Variants in ZCWPW2 observed in about 807,000 individuals in gnomAD.
The protein encoded by ZCWPW2 is zinc finger CW-type and PWWP domain containing 2, also known as zinc finger CW-type PWWP domain protein 2.
ZCWPW2 carries 45 observed loss-of-function variants against 46.6 expected under a neutral mutation model. The observed-to-expected ratio is 0.96, with a 90% CI of 0.76 to 1.24. The LOEUF (loss-of-function observed/expected upper bound fraction) is 1.24. Ranked by LOEUF, ZCWPW2 falls within the 50% of genes most tolerant of loss-of-function variation. ZCWPW2 has a pLI of 0.00. For missense variants in ZCWPW2, 429 were observed against 403.9 expected (o/e 1.06, Z -0.53); for synonymous variants, 152 against 137.1 (o/e 1.11, Z -0.76).
At position 28,413,296 on chromosome 3, in the gene ZCWPW2, AGAC is replaced by A. The variant is rs1696483556; in HGVS notation, c.229_231del (p.Asp77del). 1 of 1,613,158 alleles carries A rather than the reference AGAC, an allele frequency of 6.2e-7. No homozygotes were observed. The highest frequency in any genetic ancestry group is 8.5e-7 in the Non-Finnish European group (1 of 1,179,508). ...ATAATAACTGCTCAATTTCTGAAGA[AGAC>A]TTCCCTGAAGAGTCTCAGCTTCATC... On this transcript the variant is annotated inframe_deletion, in exon 3 of 10. Transcript: ENST00000383768.
At chr3:28,420,998 C>G (rs1401905088) in intron 3 of ZCWPW2, among the ~76,000 whole-genome samples, 1 of 151,936 alleles carries the variant, frequency 6.6e-6, no homozygotes, top group Non-Finnish European at 1.5e-5. Context: ...TTTATATTTC[C>G]TATTTATTTA....
At chr3:28,469,295 A>G (rs1698947606) in intron 4 of ZCWPW2, among the ~76,000 whole-genome samples, 1 of 152,096 alleles carries the variant, frequency 6.6e-6, no homozygotes, top group Non-Finnish European at 1.5e-5. Flanking sequence ...GGAAGAGAAG[A>G]AGGAAGGAAA....
intron 4 of ZCWPW2, among the ~76,000 whole-genome samples, chr3:28,464,156 C>T (rs1438194251): frequency 2.6e-5 from 4 of 151,434 alleles, no homozygotes. Context: ...TTTTTGAATG[C>T]CTGATGAATG....
At chr3:28,458,980 T>C (rs1332758662) in intron 4 of ZCWPW2, among the ~76,000 whole-genome samples, 1 of 152,198 alleles carries the variant, frequency 6.6e-6, no homozygotes, top group Admixed American at 6.5e-5. Context: ...CCATTGTTCG[T>C]TTTGTGTTTT....
intron 2 of ZCWPW2, among the ~76,000 whole-genome samples, chr3:28,401,494 T>C (rs552915816): frequency 6.6e-6 from 1 of 152,280 alleles, no homozygotes; most frequent in South Asian, 2.1e-4. Context: ...AGTGGGGGAC[T>C]TCAGTACTCC....
chr3:28,449,954 G>T (rs757113246), intron 4 of ZCWPW2, among the ~76,000 whole-genome samples: 2 of 152,116 alleles, frequency 1.3e-5, no homozygotes, highest in South Asian at 4.1e-4. Context: ...TGTAGTGTTT[G>T]CTCTTCATGC....
chr3:28,497,364 G>C (rs1575210100), intron 6 of ZCWPW2, among the ~76,000 whole-genome samples: 1 of 151,730 alleles, frequency 6.6e-6, no homozygotes, highest in South Asian at 2.1e-4. Flanking sequence ...ATATAGACCT[G>C]TTTTTAACAT....
At chr3:28,369,273 C>T (rs1379687603) in intron 1 of ZCWPW2, among the ~76,000 whole-genome samples, 2 of 152,100 alleles carry the variant, frequency 1.3e-5, no homozygotes, top group Admixed American at 1.3e-4. Flanking sequence ...TGTTTTTTCC[C>T]CATCTTTGTG....
At chr3:28,423,523 C>T (rs893214361) in intron 3 of ZCWPW2, among the ~76,000 whole-genome samples, 3 of 151,706 alleles carry the variant, frequency 2.0e-5, no homozygotes, top group Admixed American at 1.3e-4. Flanking sequence ...CCTGCTACCA[C>T]GCCCAGCTAA....
chr3:28,405,625 A>C (rs925959218), intron 2 of ZCWPW2, among the ~76,000 whole-genome samples: 7 of 152,082 alleles, frequency 4.6e-5, no homozygotes, highest in Admixed American at 2.6e-4. Context: ...ACAGGCACCC[A>C]CCACCATGCC....
At chr3:28,383,720 A>G (rs1695177150) in intron 1 of ZCWPW2, among the ~76,000 whole-genome samples, 1 of 152,130 alleles carries the variant, frequency 6.6e-6, no homozygotes, top group Non-Finnish European at 1.5e-5. Context: ...TTCAATTCTA[A>G]AATTTTCATT....
chr3:28,389,155 G>A (rs1477931051), intron 1 of ZCWPW2, among the ~76,000 whole-genome samples: 1 of 152,096 alleles, frequency 6.6e-6, no homozygotes, highest in Non-Finnish European at 1.5e-5. Flanking sequence ...TTGGGAACAG[G>A]AAGCAAAAAT....
chr3:28,520,334 A>T (rs867937589), intron 8 of ZCWPW2, among the ~76,000 whole-genome samples: 11 of 152,104 alleles, frequency 7.2e-5, no homozygotes, highest in Admixed American at 2.0e-4. Flanking sequence ...GTATTTTTTT[A>T]AAATAAAATT....
chr3:28,506,596 C>A (rs1159065531), intron 6 of ZCWPW2, among the ~76,000 whole-genome samples: 1 of 152,008 alleles, frequency 6.6e-6, no homozygotes. Flanking sequence ...GAATAATGGT[C>A]TTTGCAGATG....
intron 4 of ZCWPW2, among the ~76,000 whole-genome samples, chr3:28,476,995 G>A (rs191586856): frequency 1.2e-4 from 18 of 152,204 alleles, no homozygotes; most frequent in Admixed American, 9.2e-4. Context: ...GTTCCTAACC[G>A]GTCATGGACT....
At chr3:28,397,490 C>T (rs68085718) in intron 2 of ZCWPW2, among the ~76,000 whole-genome samples, 34,353 of 151,970 alleles carry the variant, frequency 0.23, 4,457 homozygotes, top group Non-Finnish European at 0.29. Context: ...GCCAACATGG[C>T]GAGACCCTGT....
At chr3:28,487,261 C>T (rs1699633714) in intron 5 of ZCWPW2, among the ~76,000 whole-genome samples, 1 of 151,772 alleles carries the variant, frequency 6.6e-6, no homozygotes, top group African/African-American at 2.4e-5. Context: ...TCTAGTTGTC[C>T]CACAGTTCTT....
intron 8 of ZCWPW2, among the ~76,000 whole-genome samples, chr3:28,518,323 G>C (rs1393415895): frequency 1.3e-5 from 2 of 151,682 alleles, no homozygotes; most frequent in South Asian, 4.1e-4. Context: ...GTTGACAGAA[G>C]ATGATTGGTC....
At chr3:28,359,309 T>C (rs1704850909) in intron 1 of ZCWPW2, among the ~76,000 whole-genome samples, 1 of 152,134 alleles carries the variant, frequency 6.6e-6, no homozygotes, top group Non-Finnish European at 1.5e-5. Context: ...TTCATTAAGT[T>C]TGAACATTTT....
Sources: gnomAD v4.1 joint callset for allele counts (sites outside exome capture counted in the v4.1 genomes callset) on GRCh38, gnomAD v4.1.1 for gene constraint, MANE v1.5 for transcripts, NCBI Gene and HGNC (gene_info 2026-07-23, HGNC 2026-07-21) for gene names.